PA2G4: variants seen among roughly 807,000 people sequenced by gnomAD.
The protein encoded by PA2G4 is proliferation-associated 2G4, also known as proliferation-associated protein 2G4.
A neutral mutation model predicts 53.3 loss-of-function variants in PA2G4; 8 were observed. That is an observed-to-expected ratio of 0.15 (90% confidence interval 0.09 to 0.27). The LOEUF is 0.27. Ranked by LOEUF, PA2G4 falls within the 10% of genes least tolerant of loss-of-function variation. PA2G4 has a pLI of 1.00. For synonymous variants in PA2G4, 143 were observed against 169.8 expected (o/e 0.84, Z 1.23); for missense variants, 208 against 486.8 (o/e 0.43, Z 5.39).
Position 56,112,855 on chromosome 12 carries a change from GGAAACATTA to G in PA2G4, c.1156_1164del (p.Thr386_Glu388del). The stretch of plus-strand genomic sequence containing the variant: ...AGACTGCAGAGAATGCCACCAGTGG[GGAAACATTA>G]GAAGAAAATGAAGCTGGGGACTGAG... On this transcript the variant is annotated inframe_deletion, in exon 13 of 13. Coordinates refer to ENST00000303305, the MANE Select transcript of PA2G4 (RefSeq NM_006191.3). 1.3e-6 allele frequency: 2 copies of G among 1,580,754 alleles called. No individual in the cohort carries two copies. The highest frequency in any genetic ancestry group is 1.7e-6 in the Non-Finnish European group (2 of 1,168,082).
intron 10 of PA2G4, 52 bp downstream of exon 10, chr12:56,111,110 T>G (rs1395012757): frequency 6.2e-7 from 1 of 1,612,632 alleles, no homozygotes; most frequent in Admixed American, 1.7e-5. Context: ...AAGATATCCT[T>G]CCTGTAAGTT....
Position 56,104,702 on chromosome 12 carries a change from C to T in PA2G4, c.-36C>T, listed in dbSNP as rs753074063. 3 of 1,581,042 alleles carry T rather than the reference C, an allele frequency of 1.9e-6. No individual in the cohort carries two copies. Among genetic ancestry groups the T allele is most frequent in the African/African-American group, 2.7e-5 (2 of 74,188 alleles). On this transcript the variant is annotated 5_prime_UTR_variant, in exon 1 of 13. Transcript: ENST00000303305. ...AAGGGAGACAGAGGCGGCGGCGGCT[C>T]AGGGGAAACGAGGCTGCAGTGGTGG...
chr12:56,107,164 A>C (rs1436604720), intron 3 of PA2G4, 23 bp from the exon 4 acceptor site: 27 of 1,607,562 alleles, frequency 1.7e-5, no homozygotes, highest in Non-Finnish European at 2.3e-5. Flanking sequence ...TTCCTAATGC[A>C]GTACTCTGAT....
chr12:56,107,165 G>A (rs1466868082), intron 3 of PA2G4, 22 bp from the exon 4 acceptor site: 28 of 1,608,304 alleles, frequency 1.7e-5, no homozygotes, highest in Non-Finnish European at 2.3e-5. Context: ...TCCTAATGCA[G>A]TACTCTGATC....
At chr12:56,111,081 C>G (rs779992275) in intron 10 of PA2G4, 23 bp downstream of exon 10, 35 of 1,612,076 alleles carry the variant, frequency 2.2e-5, no homozygotes, top group Non-Finnish European at 2.5e-6. Flanking sequence ...AAGAGCTTCA[C>G]TTTGGATTCC....
intron 9 of PA2G4, 34 bp from the exon 10 acceptor site, chr12:56,110,930 T>TA (rs1156462246): frequency 3.8e-6 from 6 of 1,588,882 alleles, no homozygotes; most frequent in Non-Finnish European, 5.2e-6. Context: ...GATGGGGAGT[T>TA]AAAGATACCT....
Position 56,104,760 on chromosome 12 carries a change from A to G in PA2G4, c.23A>G (p.Gln8Arg). The change falls in exon 1 of 13, where the codon CAG becomes CGG. Residue 8 changes from glutamine (Q) to arginine (R), a missense_variant. Physicochemically the swap from Gln to Arg is conservative, Grantham distance 43. Coordinates refer to ENST00000303305, the MANE Select transcript of PA2G4 (RefSeq NM_006191.3). MSGEDEQ[Q>R]EQTIAEDLVV... ...AAGATGTCGGGCGAGGACGAGCAAC[A>G]GGAGCAAACTATCGCTGAGGACCTG... 1 of 1,613,974 alleles carries G rather than the reference A, an allele frequency of 6.2e-7. No individual in the cohort carries two copies. The highest frequency in any genetic ancestry group is 8.5e-7 in the Non-Finnish European group (1 of 1,180,014).
At chr12:56,105,029 G>A in intron 1 of PA2G4, 1 of 704,678 alleles carries the variant, frequency 1.4e-6, no homozygotes, top group South Asian at 1.5e-5. Context: ...ATGGAGGTGC[G>A]GGTCGGCGAC....
chr12:56,111,598 T>C lies in PA2G4; in HGVS notation c.1119+69T>C, dbSNP rs144014678. The C allele has an allele frequency of 2.9e-3, 3,999 of 1,397,508 alleles. 95 individuals carry two copies. The African/African-American group carries it at 0.051, about 18-fold the overall frequency. The allele number at this position is 1,397,508 out of a possible 1,614,324, so 86.6% of individuals were successfully genotyped here. A position where few individuals can be genotyped will look rare whatever the true frequency, so the allele number is the denominator to read the frequency against. On this transcript the variant is annotated intron_variant, in intron 12 of 12. Transcript: ENST00000303305. ...TCCCTCTTTCTCCCACTGTGTTAAG[T>C]TGTAGTGAAATACGGATTTTTATAC...
rs375857564 is a variant in PA2G4, at chr12:56,111,406, G to A, written c.1066-70G>A. On this transcript the variant is annotated intron_variant, in intron 11 of 12. Transcript: ENST00000303305. ...AAGTCCTGAAAAGAGCTGCAGTACT[G>A]AAAGTAACCCTTTATTTTTAATTTC... is the stretch of plus-strand genomic sequence containing the variant. 51 of 1,604,726 alleles carry A rather than the reference G, an allele frequency of 3.2e-5. No individual in the cohort carries two copies. The African/African-American group carries it at 5.8e-4, about 18-fold the overall frequency.
chr12:56,109,898 G>C lies in PA2G4; in HGVS notation c.592G>C (p.Glu198Gln), dbSNP rs767374029. The change falls in exon 7 of 13, where the codon GAA becomes CAA. Residue 198 changes from glutamate (E) to glutamine (Q), a missense_variant. By Grantham distance (29) the Glu-to-Gln change is conservative. This residue lies in a region of PA2G4 where 143 missense variants were observed against 386.8 expected (regional missense o/e 0.37). Transcript: ENST00000303305. Reference protein sequence around the residue: ...HQLKQHVIDGEKTIIQNPTDQ... With the variant: ...HQLKQHVIDGQKTIIQNPTDQ... ...GTTGAAGCAGCATGTCATCGATGGA[G>C]AAAAAACCATTATCCAGAATCCCAC... 16 of 1,613,914 alleles carry C rather than the reference G, an allele frequency of 9.9e-6. No homozygotes were observed. The highest frequency in any genetic ancestry group is 1.4e-5 in the Non-Finnish European group (16 of 1,179,808).
rs1279463362 is a variant in PA2G4, at chr12:56,113,618, C to G, written c.*730C>G. ...GGGTCTTTCCTCGCTCCATCTTACACAGACCTGAGCTGGAAGCTCAACTGG... is the reference window on the plus strand; with the variant it reads ...GGGTCTTTCCTCGCTCCATCTTACAGAGACCTGAGCTGGAAGCTCAACTGG... On this transcript the variant is annotated 3_prime_UTR_variant, in exon 13 of 13. Coordinates refer to ENST00000303305, the MANE Select transcript of PA2G4 (RefSeq NM_006191.3). The G allele has an allele frequency of 1.8e-6, 1 of 562,798 alleles. No homozygotes were observed. Among genetic ancestry groups the G allele is most frequent in the African/African-American group, 1.9e-5 (1 of 53,206 alleles). 34.9% of individuals were successfully genotyped at this position (562,798 alleles called of 1,614,324 possible). A position where few individuals can be genotyped will look rare whatever the true frequency, so the allele number is the denominator to read the frequency against.
At chr12:56,106,892 C>T in intron 2 of PA2G4, 98 bp from the exon 3 acceptor site, 1 of 1,297,876 alleles carries the variant, frequency 7.7e-7, no homozygotes, top group Non-Finnish European at 1.1e-6. Flanking sequence ...ACTGATGAAA[C>T]TTAAGCAAGA....
In PA2G4 at chr12:56,111,177, C is replaced by T. The variant is rs1334950238; in HGVS notation, c.938-5C>T. 22 of 1,614,020 alleles carry T rather than the reference C, an allele frequency of 1.4e-5. No individual in the cohort carries two copies. The highest frequency in any genetic ancestry group is 1.9e-5 in the Non-Finnish European group (22 of 1,180,034). On this transcript the variant is annotated splice_region_variant and splice_polypyrimidine_tract_variant and intron_variant, in intron 10 of 12. Coordinates refer to ENST00000303305, the MANE Select transcript of PA2G4 (RefSeq NM_006191.3). ...TATCAAAACACATCTTCATTTTTGC[C>T]ATAGGTGAATTTGTTGCCCAGTTTA... is the stretch of plus-strand genomic sequence containing the variant.
Position 56,112,968 on chromosome 12 carries a change from T to C in PA2G4, c.*80T>C, listed in dbSNP as rs1869462038. The C allele has an allele frequency of 3.1e-6, 3 of 953,650 alleles. No individual in the cohort carries two copies. Among genetic ancestry groups the C allele is most frequent in the Middle Eastern group, 2.9e-4 (1 of 3,454 alleles). The allele number at this position is 953,650 out of a possible 1,614,324, so 59.1% of individuals were successfully genotyped here. On this transcript the variant is annotated 3_prime_UTR_variant, in exon 13 of 13. Coordinates refer to ENST00000303305, the MANE Select transcript of PA2G4 (RefSeq NM_006191.3). ...CCCCAGACTCTGTGAAGTGCAGTTC[T>C]TCTCCACCTAGGACCGCCAGCAGAG...
chr12:56,109,070 G>C (rs564447400), intron 5 of PA2G4, among the ~76,000 whole-genome samples, 160 bp from the exon 6 acceptor site: 3 of 147,500 alleles, frequency 2.0e-5, no homozygotes, highest in Admixed American at 6.8e-5. Flanking sequence ...AGATTGCAGT[G>C]AGCCAAGATC....
At chr12:56,107,889 C>T (rs1324968200) in intron 5 of PA2G4, among the ~76,000 whole-genome samples, 1 of 151,832 alleles carries the variant, frequency 6.6e-6, no homozygotes, top group Non-Finnish European at 1.5e-5. Flanking sequence ...ATTAGCTGGG[C>T]GTGGTAACAT....
chr12:56,107,217 C>T lies in PA2G4; in HGVS notation c.354C>T (p.Ile118=), dbSNP rs758296402. ...IDLGVHVDGF[I]ANVAHTFVVD... ...TTGGGGTCCATGTGGATGGCTTCATCGCTAATGTAGCTCACACTTTTGTGG... is the reference window on the plus strand; with the variant it reads ...TTGGGGTCCATGTGGATGGCTTCATTGCTAATGTAGCTCACACTTTTGTGG... The change falls in exon 4 of 13, where the codon ATC becomes ATT. Residue 118 remains isoleucine (I), a synonymous_variant. Coordinates refer to ENST00000303305, the MANE Select transcript of PA2G4 (RefSeq NM_006191.3). 25 of 1,613,668 alleles carry T rather than the reference C, an allele frequency of 1.5e-5. No individual in the cohort carries two copies. Among genetic ancestry groups the T allele is most frequent in the Non-Finnish European group, 1.9e-5 (23 of 1,179,842 alleles).
intron 1 of PA2G4, 40 bp from the exon 2 acceptor site, chr12:56,106,544 CAATG>C (rs1248736460): frequency 3.4e-6 from 5 of 1,480,362 alleles, no homozygotes; most frequent in Non-Finnish European, 4.5e-6. Context: ...GGTAACTAGA[CAATG>C]AATACATACA....
Sources: gnomAD v4.1 joint callset for allele counts (sites outside exome capture counted in the v4.1 genomes callset) on GRCh38, gnomAD v4.1.1 for gene constraint, gnomAD v4.1.1 regional missense constraint, MANE v1.5 for transcripts, NCBI Gene and HGNC (gene_info 2026-07-23, HGNC 2026-07-21) for gene names.